Variants in TRIM5 observed in about 807,000 individuals in gnomAD.
TRIM5 encodes tripartite motif containing 5.
Under a neutral mutation model 35.6 loss-of-function variants are expected in TRIM5, and 31 were observed. The ratio of observed to expected loss-of-function variants is 0.87; its 90% CI spans 0.65 to 1.18. The LOEUF is 1.18. Among genes scored for constraint, TRIM5 ranks in the 50% most tolerant of loss-of-function variants. The pLI is 0.00. For synonymous variants in TRIM5, 243 were observed against 215.6 expected (o/e 1.13, Z -1.11); for missense variants, 609 against 591.6 (o/e 1.03, Z -0.31).
chr11:5,666,377 A>AT (rs1377272700), intron 5 of TRIM5: 2 of 284,234 alleles, frequency 7.0e-6, no homozygotes, highest in South Asian at 7.0e-5. Flanking sequence ...CTCATAGGAC[A>AT]TAAAAAAAAA....
chr11:5,630,417 A>T, the TRIM5 span, among the ~76,000 whole-genome samples: 1 of 151,882 alleles, frequency 6.6e-6, no homozygotes, highest in Non-Finnish European at 1.5e-5. Flanking sequence ...CCCACCTCCT[A>T]TTCATTGGAA....
chr11:5,610,771 C>T, the TRIM5 span: 1 of 1,613,432 alleles, frequency 6.2e-7, no homozygotes, highest in Non-Finnish European at 8.5e-7. Context: ...GTACCTTTTC[C>T]TACAGTTGAC....
intron 4 of TRIM5, among the ~76,000 whole-genome samples, chr11:5,669,080 C>CTTTTTTTTTT: frequency 7.5e-6 from 1 of 133,194 alleles, no homozygotes; most frequent in Non-Finnish European, 1.6e-5. Context: ...GGTCTACATT[C>CTTTTTTTTTT]TTTTTTTTTT....
chr11:5,602,107 C>A, the TRIM5 span, among the ~76,000 whole-genome samples: 2 of 152,066 alleles, frequency 1.3e-5, no homozygotes, highest in African/African-American at 4.8e-5. Flanking sequence ...CATTTCACTG[C>A]GAGGATTCAA....
At chr11:5,592,832 A>G in the TRIM5 span, among the ~76,000 whole-genome samples, 29,145 of 150,164 alleles carry the variant, frequency 0.19, 2,937 homozygotes, top group Middle Eastern at 0.31. Context: ...TGGGAAGATC[A>G]CTTGAGCCCG....
the TRIM5 span, among the ~76,000 whole-genome samples, chr11:5,649,441 T>C: frequency 0.61 from 92,010 of 151,928 alleles, 28,200 homozygotes; most frequent in African/African-American, 0.68. Flanking sequence ...CACAATAATA[T>C]TAAGAGATAC....
At chr11:5,630,608 A>G in the TRIM5 span, among the ~76,000 whole-genome samples, 23 of 152,142 alleles carry the variant, frequency 1.5e-4, no homozygotes, top group African/African-American at 5.3e-4. Flanking sequence ...TTCTGCCTAA[A>G]ATATTTGTTT....
the TRIM5 span, chr11:5,619,687 A>C: frequency 1.0e-5 from 1 of 99,490 alleles, no homozygotes; most frequent in Non-Finnish European, 2.0e-5. Flanking sequence ...TCCTGTTTTA[A>C]ATTTTTTTTT....
intron 1 of TRIM5, among the ~76,000 whole-genome samples, chr11:5,680,533 T>G (rs57361464): frequency 0.021 from 3,255 of 152,328 alleles, 118 homozygotes; most frequent in African/African-American, 0.075. Flanking sequence ...ACCAAGATCT[T>G]TGTGTGACCC....
the TRIM5 span, among the ~76,000 whole-genome samples, chr11:5,597,564 G>A: frequency 1.2e-4 from 19 of 152,194 alleles, 1 homozygote; most frequent in South Asian, 3.5e-3. Context: ...TTCCTAAAGT[G>A]CAAGAACTCA....
At chr11:5,642,280 C>A in the TRIM5 span, 1 of 763,254 alleles carries the variant, frequency 1.3e-6, no homozygotes, top group Admixed American at 2.6e-5. Flanking sequence ...TCCCTTCTCC[C>A]CCTCCTCAGG....
the TRIM5 span, chr11:5,596,908 C>T: frequency 1.9e-6 from 3 of 1,614,022 alleles, no homozygotes; most frequent in Non-Finnish European, 1.7e-6. Context: ...ATGTGCGGGT[C>T]AGAGAGGTAT....
chr11:5,670,152 G>A (rs112511409), intron 4 of TRIM5, among the ~76,000 whole-genome samples: 338 of 142,444 alleles, frequency 2.4e-3, no homozygotes, highest in African/African-American at 8.5e-3. Flanking sequence ...ATTTGTCTGT[G>A]TTGGATCAGA....
the TRIM5 span, chr11:5,634,811 A>G: frequency 6.2e-7 from 1 of 1,613,748 alleles, no homozygotes; most frequent in Non-Finnish European, 8.5e-7. Flanking sequence ...GAGAGAGCTC[A>G]TCTCAGATGT....
rs773702902 is a variant in TRIM5 at position 5,679,077 on chromosome 11, C to T, written c.510G>A (p.Trp170Ter). Residue 170 changes from tryptophan (W) to a stop codon, truncating the protein, a stop_gained, in exon 3 of 8, where the codon TGG becomes TGA. Transcript: ENST00000380034. LOFTEE classifies it high-confidence loss of function. ...TTCGGGAACCACATCCTCTTGCCTT[C>T]CAGGAAGCTTTCTCTTCTCTGATGT... ...EADIREEKAS[W>*]KTQIQYDKTN... The T allele has an allele frequency of 1.2e-6, 2 of 1,613,690 alleles. No homozygotes were observed. Among genetic ancestry groups the T allele is most frequent in the South Asian group, 2.2e-5 (2 of 91,058 alleles).
the TRIM5 span, among the ~76,000 whole-genome samples, chr11:5,598,475 C>CATATGTAAT: frequency 7.5e-3 from 1,148 of 152,218 alleles, 10 homozygotes; most frequent in Non-Finnish European, 0.012. Flanking sequence ...AATGAAGCCA[C>CATATGTAAT]ATATGTAATG....
At chr11:5,633,752 C>A in the TRIM5 span, 1 of 1,559,934 alleles carries the variant, frequency 6.4e-7, no homozygotes, top group Non-Finnish European at 8.7e-7. Flanking sequence ...GTCCTCTATC[C>A]AGATACTAAG....
the TRIM5 span, chr11:5,604,516 T>C: frequency 6.2e-6 from 10 of 1,606,672 alleles, no homozygotes; most frequent in East Asian, 2.2e-4. Flanking sequence ...CTGCTTGACC[T>C]GATTTGTTTT....
the TRIM5 span, among the ~76,000 whole-genome samples, chr11:5,653,009 T>C: frequency 6.6e-6 from 1 of 152,016 alleles, no homozygotes; most frequent in Non-Finnish European, 1.5e-5. Context: ...CCCACCAGCA[T>C]ACCCGGCTAA....
Sources: allele counts gnomAD v4.1 joint callset (sites outside exome capture counted in the v4.1 genomes callset), GRCh38; gene constraint gnomAD v4.1.1; transcripts MANE v1.5; gene names NCBI Gene and HGNC (gene_info 2026-07-23, HGNC 2026-07-21).